AFF2: variants seen among roughly 807,000 people sequenced by gnomAD.
AFF2 encodes the protein AF4/FMR2 family member 2.
In AFF2, 14 loss-of-function variants were observed where a neutral mutation model predicts 76.9. The observed-to-expected ratio is 0.18, with a 90% CI of 0.12 to 0.28. The LOEUF (loss-of-function observed/expected upper bound fraction) is 0.28, where lower values mean the gene tolerates loss of function less well. Among genes scored for constraint, AFF2 ranks in the 10% least tolerant of loss-of-function variants. The probability of loss-of-function intolerance (pLI) is 1.00; values close to 1 mark genes in which losing one functional copy is unlikely to be tolerated. For missense variants in AFF2, 868 were observed against 1,001.1 expected (o/e 0.87, Z 1.79); for synonymous variants, 398 against 366.7 (o/e 1.09, Z -0.98).
At chrX:148,534,550 G>A (rs984785713) in intron 1 of AFF2, among the ~76,000 whole-genome samples, 6 of 112,347 alleles carry the variant, frequency 5.3e-5, no homozygotes, top group African/African-American at 1.9e-4. Flanking sequence ...ATGTCACATA[G>A]TTTTGTAGGC....
chrX:148,832,158 G>A (rs12556234), intron 4 of AFF2, among the ~76,000 whole-genome samples: 3,423 of 111,168 alleles, frequency 0.031, 53 homozygotes, highest in Middle Eastern at 0.051. Flanking sequence ...AATAAAAGAA[G>A]AAAGGAAAAG....
At chrX:148,914,274 T>G (rs1489747536) in intron 9 of AFF2, among the ~76,000 whole-genome samples, 4 of 110,701 alleles carry the variant, frequency 3.6e-5, no homozygotes, top group African/African-American at 1.3e-4. Flanking sequence ...GTCTGGTACT[T>G]AGAGGCAGCT....
intron 3 of AFF2, among the ~76,000 whole-genome samples, chrX:148,729,746 G>A (rs2055199943): frequency 8.9e-6 from 1 of 112,118 alleles, no homozygotes; most frequent in Non-Finnish European, 1.9e-5. Context: ...TGCAGAGAGT[G>A]ATCTCGCTAA....
At chrX:148,987,019 G>T (rs2072480039) in intron 19 of AFF2, among the ~76,000 whole-genome samples, 1 of 111,205 alleles carries the variant, frequency 9.0e-6, no homozygotes, top group Non-Finnish European at 1.9e-5. Flanking sequence ...TAGAAAAGAA[G>T]AAGAGTGGGC....
chrX:148,705,336 T>C (rs1342621343), intron 3 of AFF2, among the ~76,000 whole-genome samples: 2 of 112,146 alleles, frequency 1.8e-5, no homozygotes, highest in Admixed American at 9.5e-5. Context: ...CAAGACCTCA[T>C]AGCAGAAGCA....
At chrX:148,520,776 C>T (rs2052587494) in intron 1 of AFF2, among the ~76,000 whole-genome samples, 1 of 112,185 alleles carries the variant, frequency 8.9e-6, no homozygotes, top group South Asian at 3.7e-4. Context: ...AATCACTATA[C>T]CTACAGTTCC....
chrX:148,746,783 C>T (rs1157760784), intron 3 of AFF2, among the ~76,000 whole-genome samples: 2 of 112,616 alleles, frequency 1.8e-5, no homozygotes, highest in Non-Finnish European at 1.9e-5. Flanking sequence ...TGCCATCAGG[C>T]AAGTTTTCTC....
At chrX:148,895,649 A>T (rs2071276194) in intron 8 of AFF2, among the ~76,000 whole-genome samples, 1 of 109,708 alleles carries the variant, frequency 9.1e-6, no homozygotes, top group African/African-American at 3.3e-5. Context: ...AGATACCGAA[A>T]CAAATAGAAA....
intron 3 of AFF2, among the ~76,000 whole-genome samples, chrX:148,669,862 G>A (rs1203701590): frequency 1.8e-5 from 2 of 111,374 alleles, no homozygotes; most frequent in Non-Finnish European, 3.8e-5. Flanking sequence ...AAAATGAAGG[G>A]ATAACTTTAT....
chrX:148,591,517 A>G (rs2053522065), intron 1 of AFF2, among the ~76,000 whole-genome samples: 1 of 112,664 alleles, frequency 8.9e-6, no homozygotes, highest in Non-Finnish European at 1.9e-5. Context: ...GAAATGCTGT[A>G]CAAGTGCTTT....
intron 7 of AFF2, among the ~76,000 whole-genome samples, chrX:148,854,524 A>G (rs1020708540): frequency 8.1e-5 from 9 of 111,553 alleles, no homozygotes; most frequent in African/African-American, 2.6e-4. Flanking sequence ...CAGTGGCCCC[A>G]GGGTCCAAAT....
At chrX:148,753,989 A>G (rs782418419) in intron 3 of AFF2, among the ~76,000 whole-genome samples, 34 of 111,311 alleles carry the variant, frequency 3.1e-4, no homozygotes, top group Non-Finnish European at 5.8e-4. Context: ...ATTTAGGCAA[A>G]TTCTTTTGCA....
At chrX:148,743,583 A>G (rs2055386293) in intron 3 of AFF2, among the ~76,000 whole-genome samples, 1 of 110,959 alleles carries the variant, frequency 9.0e-6, no homozygotes, top group Non-Finnish European at 1.9e-5. Flanking sequence ...GGAGTGGGTG[A>G]GTGCACTTGA....
chrX:148,612,117 T>C (rs1023887717), intron 1 of AFF2, among the ~76,000 whole-genome samples: 17 of 112,093 alleles, frequency 1.5e-4, no homozygotes, highest in Non-Finnish European at 2.8e-4. Flanking sequence ...GAGAATTATG[T>C]ACTGACTCAT....
chrX:148,837,695 G>A lies in AFF2; in HGVS notation c.1135G>A (p.Gly379Arg), dbSNP rs782699961. 5.0e-6 allele frequency: 6 copies of A among 1,202,346 alleles called. No homozygotes were observed. The South Asian group carries it at 8.8e-5, about 18-fold the overall frequency. Residue 379 changes from glycine (G) to arginine (R), a missense_variant, in exon 5 of 21, where the codon GGA (glycine) becomes AGA (arginine). This residue lies in a region of AFF2 where 532 missense variants were observed against 564.2 expected (regional missense o/e 0.94). Coordinates refer to ENST00000370460, the MANE Select transcript of AFF2 (RefSeq NM_002025.4). ...PTPLTSMHTA[G>R]HSEQSTFSIP... ...TCCTCTCACTTCCATGCATACTGCT[G>A]GACACTCTGAGCAGAGCACCTTTTC...
chrX:148,504,876 A>G (rs1376925588), intron 1 of AFF2, among the ~76,000 whole-genome samples: 1 of 108,557 alleles, frequency 9.2e-6, no homozygotes, highest in Non-Finnish European at 1.9e-5. Flanking sequence ...CTCGTTAGCT[A>G]CAATCCTCCA....
chrX:148,516,588 C>T (rs945413105), intron 1 of AFF2, among the ~76,000 whole-genome samples: 17 of 111,977 alleles, frequency 1.5e-4, no homozygotes, highest in Non-Finnish European at 2.6e-4. Flanking sequence ...CATCTGAACA[C>T]TTTCCATACA....
At chrX:148,788,476 G>A (rs2069851151) in intron 3 of AFF2, among the ~76,000 whole-genome samples, 1 of 111,888 alleles carries the variant, frequency 8.9e-6, no homozygotes, top group Non-Finnish European at 1.9e-5. Context: ...TTATATTGGG[G>A]CCTAAGCCAA....
At chrX:148,519,674 A>C (rs1177957992) in intron 1 of AFF2, among the ~76,000 whole-genome samples, 1 of 112,259 alleles carries the variant, frequency 8.9e-6, no homozygotes, top group African/African-American at 3.2e-5. Context: ...TTACCTGTGC[A>C]TATATACAGT....
Sources: allele counts gnomAD v4.1 joint callset (sites outside exome capture counted in the v4.1 genomes callset), GRCh38; gene constraint gnomAD v4.1.1; regional missense constraint gnomAD v4.1.1; transcripts MANE v1.5; gene names NCBI Gene and HGNC (gene_info 2026-07-23, HGNC 2026-07-21).